NCOR2: variants seen among roughly 807,000 people sequenced by gnomAD.
The protein encoded by NCOR2 is CTG repeat protein 26.
Under a neutral mutation model 262.9 loss-of-function variants are expected in NCOR2, and 81 were observed. The ratio of observed to expected loss-of-function variants is 0.31; its 90% confidence interval spans 0.26 to 0.37. The LOEUF (loss-of-function observed/expected upper bound fraction) is 0.37. Among genes scored for constraint, NCOR2 ranks in the 10% least tolerant of loss-of-function variants. The pLI, the probability that NCOR2 is intolerant of heterozygous loss-of-function variation, is 1.00. For synonymous variants in NCOR2, 1,659 were observed against 1,559.3 expected (o/e 1.06, Z -1.51); for missense variants, 3,385 against 3,621.4 (o/e 0.93, Z 1.68).
At chr12:124,554,829 G>A (rs1341708933) in intron 1 of NCOR2, among the ~76,000 whole-genome samples, 1 of 152,258 alleles carries the variant, frequency 6.6e-6, no homozygotes, top group African/African-American at 2.4e-5. Flanking sequence ...TGAGCAGGGA[G>A]AAGCCAAGAC....
chr12:124,489,530 G>A (rs1820382821), intron 1 of NCOR2, among the ~76,000 whole-genome samples: 1 of 152,210 alleles, frequency 6.6e-6, no homozygotes, highest in Admixed American at 6.5e-5. Context: ...CTCTGAACCT[G>A]TCCCTGTAGG....
At chr12:124,425,569 G>A (rs1355452048) in intron 11 of NCOR2, among the ~76,000 whole-genome samples, 1 of 152,134 alleles carries the variant, frequency 6.6e-6, no homozygotes, top group African/African-American at 2.4e-5. Flanking sequence ...GGCGTGGGGT[G>A]GCTCAGCAGG....
At chr12:124,518,138 AC>A (rs1303417534) in intron 1 of NCOR2, 1 of 151,920 alleles carries the variant, frequency 6.6e-6, no homozygotes, top group Non-Finnish European at 1.5e-5. Flanking sequence ...GACTTCTCTT[AC>A]CCGAGCACAT....
chr12:124,346,697 GGCTTCA>G, exon 31 of NCOR2: 1 of 1,571,832 alleles, frequency 6.4e-7, no homozygotes, highest in Non-Finnish European at 8.6e-7. Flanking sequence ...CTCATGGGCC[GGCTTCA>G]GCTTCAGGGG....
rs979067490 is a variant in NCOR2, at chr12:124,483,977, T to C, written c.234-204A>G. Among the ~76,000 whole-genome samples the C allele has an allele frequency of 1.3e-5, 2 of 152,082 alleles. No individual in the cohort carries two copies. Among genetic ancestry groups the C allele is most frequent in the Non-Finnish European group, 2.9e-5 (2 of 67,996 alleles). ...AGCGCTGCCTTCCTTCAGGTCCACA[T>C]TCACCGAGGACATTTACAGGGAGGG... On this transcript the variant is annotated intron_variant, in intron 2 of 46. Coordinates refer to ENST00000405201, the Ensembl canonical transcript of NCOR2. This position sits in a 1 kb window ranked among gnomAD's most constrained non-coding sequence, Gnocchi z 6.3.
chr12:124,419,123 G>A (rs886817801), intron 13 of NCOR2, among the ~76,000 whole-genome samples: 3 of 151,758 alleles, frequency 2.0e-5, no homozygotes, highest in Admixed American at 6.6e-5. Context: ...AACACCGAGC[G>A]CCCAGGATCC....
chr12:124,427,706 CCT>C (rs1331445972), intron 10 of NCOR2, among the ~76,000 whole-genome samples: 3 of 152,194 alleles, frequency 2.0e-5, no homozygotes, highest in Non-Finnish European at 2.9e-5. Flanking sequence ...CCCCTACACC[CCT>C]GATACGGAAC....
chr12:124,472,383 T>C (rs1180451804), intron 4 of NCOR2, among the ~76,000 whole-genome samples: 1 of 152,208 alleles, frequency 6.6e-6, no homozygotes, highest in Admixed American at 6.5e-5. Flanking sequence ...GTTGTCCATT[T>C]TACAGGCAAG....
At chr12:124,390,482 C>CCG (rs1280051413) in intron 16 of NCOR2, among the ~76,000 whole-genome samples, 3 of 151,570 alleles carry the variant, frequency 2.0e-5, no homozygotes, top group African/African-American at 7.3e-5. Context: ...AAAGTGACCC[C>CCG]CCCCCGTCGC....
chr12:124,388,957 T>C, intron 16 of NCOR2: 1 of 692,202 alleles, frequency 1.4e-6, no homozygotes, highest in Non-Finnish European at 2.0e-6. Context: ...GGGAGGCAGC[T>C]CCTCACAAGT....
intron 1 of NCOR2, among the ~76,000 whole-genome samples, chr12:124,525,614 C>T (rs935188449): frequency 3.3e-5 from 5 of 152,242 alleles, no homozygotes; most frequent in Non-Finnish European, 5.9e-5. Context: ...GCAGCTGCTG[C>T]GTGCCTGAGG....
At chr12:124,552,197 T>C (rs972812791) in intron 1 of NCOR2, among the ~76,000 whole-genome samples, 6 of 151,920 alleles carry the variant, frequency 3.9e-5, no homozygotes, top group Non-Finnish European at 5.9e-5. Context: ...GACATGTGCC[T>C]GTAGTCCCAG....
Position 124,422,226 on chromosome 12 carries a change from T to C in NCOR2, c.1383+275A>G, listed in dbSNP as rs939270285. Among the ~76,000 whole-genome samples the C allele has an allele frequency of 1.2e-4, 19 of 152,334 alleles. No individual in the cohort carries two copies. In the South Asian group the frequency reaches 1.9e-3, roughly 15 times the overall value. ...CGGGCACACGGGGCTCCAGGAAGCC[T>C]GGCCGTGCAGCTCTCCCTGGGGTTC... is the stretch of plus-strand genomic sequence containing the variant. On this transcript the variant is annotated intron_variant, in intron 12 of 46. Transcript: ENST00000405201.
intron 1 of NCOR2, among the ~76,000 whole-genome samples, chr12:124,546,736 G>A (rs889941669): frequency 9.9e-5 from 15 of 151,960 alleles, no homozygotes; most frequent in Admixed American, 7.2e-4. Context: ...TAAATTGCAC[G>A]CTGTTCTAAG....
chr12:124,338,069 C>A (rs972681531), intron 37 of NCOR2, among the ~76,000 whole-genome samples: 3 of 152,206 alleles, frequency 2.0e-5, no homozygotes, highest in Non-Finnish European at 4.4e-5. Context: ...GTGACAAAGT[C>A]GCCACTGCTT....
chr12:124,536,705 G>A (rs144635601), upstream of NCOR2, among the ~76,000 whole-genome samples: 129 of 152,298 alleles, frequency 8.5e-4, no homozygotes, highest in African/African-American at 2.3e-3. Flanking sequence ...CGTTGCCGAC[G>A]GGATGCAAAA....
At chr12:124,357,945 G>C (rs2038105867) in intron 22 of NCOR2, among the ~76,000 whole-genome samples, 1 of 151,660 alleles carries the variant, frequency 6.6e-6, no homozygotes, top group Non-Finnish European at 1.5e-5. Context: ...GTGTGTGAGT[G>C]CATGGATGTG....
chr12:124,494,523 C>CGA (rs2048274134), intron 1 of NCOR2, among the ~76,000 whole-genome samples: 2 of 152,162 alleles, frequency 1.3e-5, no homozygotes, highest in Admixed American at 6.5e-5. Context: ...TTAGGAGACC[C>CGA]GACCAGGGCA....
chr12:124,325,616 C>A (rs1018668766), intron 46 of NCOR2, 33 bp from the exon 49 acceptor site: 8 of 1,258,652 alleles, frequency 6.4e-6, no homozygotes, highest in Non-Finnish European at 8.1e-6. Context: ...CCCAGGAGGC[C>A]TCTGTGAGCC....
Sources: allele counts gnomAD v4.1 joint callset (sites outside exome capture counted in the v4.1 genomes callset), GRCh38; gene constraint gnomAD v4.1.1; non-coding constraint Gnocchi (gnomAD v3.1); transcripts MANE v1.5; gene names NCBI Gene and HGNC (gene_info 2026-07-23, HGNC 2026-07-21).